Variants in NRXN1 observed in about 807,000 individuals in gnomAD.
NRXN1 encodes neurexin 1, also known as neurexin-1.
A neutral mutation model predicts 150.9 loss-of-function variants in NRXN1; 39 were observed. The ratio of observed to expected loss-of-function variants is 0.26; its 90% CI spans 0.20 to 0.34. The LOEUF is 0.34. Ranked by LOEUF, NRXN1 falls within the 10% of genes least tolerant of loss-of-function variation. The pLI, the probability that NRXN1 is intolerant of heterozygous loss-of-function variation, is 1.00. For missense variants in NRXN1, 1,815 were observed against 1,949.9 expected (o/e 0.93, Z 1.30); for synonymous variants, 924 against 757.0 (o/e 1.22, Z -3.62).
rs111409490 is a variant in NRXN1, at chr2:50,073,457, T to C, written c.3718+17866A>G. 1.5e-3 allele frequency among the ~76,000 whole-genome samples: 232 copies of C among 152,306 alleles called. 3 individuals are homozygous for C. The highest frequency in any genetic ancestry group is 3.9e-3 in the African/African-American group (162 of 41,568). On this transcript the variant is annotated intron_variant, in intron 19 of 22. Transcript: ENST00000401669. ...TTCTAACATGGCTTATCAATCATAA[T>C]TAACCTCTAGAATACTTATCAGGCC...
At chr2:50,979,717 T>C (rs1034885414) in intron 2 of NRXN1, among the ~76,000 whole-genome samples, 1 of 151,772 alleles carries the variant, frequency 6.6e-6, no homozygotes, top group Non-Finnish European at 1.5e-5. Flanking sequence ...GAACACACTG[T>C]ACTTTCTCAG....
At chr2:50,290,586 T>G (rs909928702) in intron 17 of NRXN1, among the ~76,000 whole-genome samples, 9 of 152,078 alleles carry the variant, frequency 5.9e-5, no homozygotes, top group African/African-American at 2.2e-4. Flanking sequence ...GTTTCCTACG[T>G]TCTCTAGCCA....
At chr2:50,832,473 C>T (rs4971700) in intron 5 of NRXN1, among the ~76,000 whole-genome samples, 1 of 151,964 alleles carries the variant, frequency 6.6e-6, no homozygotes. Context: ...GCCAACATGG[C>T]GAAACCTCAT....
In NRXN1 at chr2:50,497,704, T is replaced by G; in HGVS notation, c.2508A>C (p.Ala836=). 6.2e-7 allele frequency: 1 copy of G among 1,608,768 alleles called. No homozygotes were observed. The highest frequency in any genetic ancestry group is 8.5e-7 in the Non-Finnish European group (1 of 1,176,362). Reference sequence around the variant, plus strand: ...GGAACTCCAGCCTAGTATGATCACCTGCCATTTGACCTAAAAGAGAAGATA... The same window carrying G: ...GGAACTCCAGCCTAGTATGATCACCGGCCATTTGACCTAAAAGAGAAGATA... ...DDQQAMTGQM[A]GDHTRLEFHN... Residue 836 remains alanine, a synonymous_variant, in exon 14 of 23, where the codon GCA becomes GCC. Coordinates refer to ENST00000401669, the MANE Select transcript of NRXN1 (RefSeq NM_001330078.2).
At chr2:50,868,414 C>T (rs946948107) in intron 5 of NRXN1, among the ~76,000 whole-genome samples, 1 of 20,034 alleles carries the variant, frequency 5.0e-5, no homozygotes, top group East Asian at 1.1e-3. Context: ...GGAGGGAGGG[C>T]GGGAGGGGGT....
chr2:50,809,007 T>A (rs1398926898), intron 5 of NRXN1, among the ~76,000 whole-genome samples: 1 of 152,142 alleles, frequency 6.6e-6, no homozygotes, highest in Non-Finnish European at 1.5e-5. Context: ...AAATTCATAA[T>A]GTCTCTGGCC....
chr2:50,324,783 C>T (rs529340741), intron 17 of NRXN1, among the ~76,000 whole-genome samples: 6 of 152,364 alleles, frequency 3.9e-5, no homozygotes, highest in Admixed American at 3.9e-4. Context: ...GTCACACTCA[C>T]CTCCCACCAG....
intron 19 of NRXN1, among the ~76,000 whole-genome samples, chr2:50,074,892 A>C (rs1016283759): frequency 6.6e-6 from 1 of 152,034 alleles, no homozygotes; most frequent in Non-Finnish European, 1.5e-5. Context: ...AAATACCTTA[A>C]TTCCATTCAG....
At chr2:50,936,599 C>A (rs1202532216) in intron 2 of NRXN1, among the ~76,000 whole-genome samples, 1 of 152,058 alleles carries the variant, frequency 6.6e-6, no homozygotes, top group African/African-American at 2.4e-5. Context: ...GTAAACTATG[C>A]TCAAAATGTG....
chr2:50,088,519 G>T (rs914925587), intron 19 of NRXN1, among the ~76,000 whole-genome samples: 3 of 151,962 alleles, frequency 2.0e-5, no homozygotes, highest in African/African-American at 7.3e-5. Context: ...CCCACTCTTG[G>T]TTTATTTATA....
chr2:50,532,735 T>C (rs2093151084), intron 10 of NRXN1, among the ~76,000 whole-genome samples: 1 of 152,096 alleles, frequency 6.6e-6, no homozygotes, highest in African/African-American at 2.4e-5. Flanking sequence ...AGTTGCTTAG[T>C]ACTGTCTTAA....
At chr2:50,694,968 T>C (rs751705319) in intron 5 of NRXN1, among the ~76,000 whole-genome samples, 3 of 152,148 alleles carry the variant, frequency 2.0e-5, no homozygotes, top group Non-Finnish European at 4.4e-5. Flanking sequence ...CATAGCCAAA[T>C]CACCTCCATG....
chr2:50,428,381 C>T (rs920642875), intron 17 of NRXN1, among the ~76,000 whole-genome samples: 1 of 152,198 alleles, frequency 6.6e-6, no homozygotes, highest in African/African-American at 2.4e-5. Context: ...TACCACTGCA[C>T]TCCAGCCTGG....
intron 17 of NRXN1, among the ~76,000 whole-genome samples, chr2:50,430,483 CT>C (rs1333027867): frequency 6.6e-6 from 1 of 152,186 alleles, no homozygotes; most frequent in African/African-American, 2.4e-5. Context: ...GCAGGTGCAA[CT>C]ATCTGGTTTT....
At chr2:50,867,342 T>G (rs1559370642) in intron 5 of NRXN1, among the ~76,000 whole-genome samples, 3 of 151,762 alleles carry the variant, frequency 2.0e-5, no homozygotes, top group Non-Finnish European at 2.9e-5. Flanking sequence ...CTCATTGAAA[T>G]CAGAAGGAGA....
chr2:50,559,446 A>T (rs1479285062), intron 8 of NRXN1, among the ~76,000 whole-genome samples: 1 of 152,208 alleles, frequency 6.6e-6, no homozygotes, highest in Non-Finnish European at 1.5e-5. Context: ...CTATGGTAGG[A>T]TCAATCAAAT....
chr2:50,973,260 A>G (rs765594234), intron 2 of NRXN1, among the ~76,000 whole-genome samples: 1 of 152,126 alleles, frequency 6.6e-6, no homozygotes, highest in Non-Finnish European at 1.5e-5. Context: ...AACAAATCAG[A>G]CCGACTCTCT....
chr2:50,276,974 G>A (rs575894186), intron 17 of NRXN1, among the ~76,000 whole-genome samples: 1 of 152,220 alleles, frequency 6.6e-6, no homozygotes, highest in Non-Finnish European at 1.5e-5. Context: ...TTTCATGTAA[G>A]CATCATGGAT....
intron 1 of NRXN1, 66 bp from the exon 2 acceptor site, chr2:51,029,260 G>T (rs898641173): frequency 1.3e-5 from 2 of 152,180 alleles, no homozygotes; most frequent in African/African-American, 2.4e-5. Context: ...TCATTATTCA[G>T]CTCATAACAC....
Sources: gnomAD v4.1 joint callset for allele counts (sites outside exome capture counted in the v4.1 genomes callset) on GRCh38, gnomAD v4.1.1 for gene constraint, MANE v1.5 for transcripts, NCBI Gene and HGNC (gene_info 2026-07-23, HGNC 2026-07-21) for gene names.